Variants in MPP7 observed in about 807,000 individuals in gnomAD.
MPP7 encodes MAGUK p55 scaffold protein 7.
A neutral mutation model predicts 76.5 loss-of-function variants in MPP7; 60 were observed. The ratio of observed to expected loss-of-function variants is 0.78; its 90% confidence interval spans 0.64 to 0.97. The LOEUF (loss-of-function observed/expected upper bound fraction) is 0.97, where lower values mean the gene tolerates loss of function less well. Among genes scored for constraint, MPP7 ranks in the 50% least tolerant of loss-of-function variants. The pLI is 0.00. For missense variants in MPP7, 641 were observed against 694.0 expected, an observed-to-expected ratio of 0.92 and a Z score of 0.86; for synonymous variants, 237 against 244.5, an observed-to-expected ratio of 0.97 and a Z score of 0.29.
chr10:28,110,157 CT>C (rs1436979957), intron 11 of MPP7, among the ~76,000 whole-genome samples: 1 of 150,982 alleles, frequency 6.6e-6, no homozygotes, highest in Non-Finnish European at 1.5e-5. Context: ...ATGGTGCAAT[CT>C]CGACTCACTG....
intron 3 of MPP7, among the ~76,000 whole-genome samples, chr10:28,155,485 G>A (rs1207388269): frequency 6.6e-6 from 1 of 151,676 alleles, no homozygotes; most frequent in Non-Finnish European, 1.5e-5. Flanking sequence ...AGCTACTCGG[G>A]AGGCTGAAGT....
intron 3 of MPP7, among the ~76,000 whole-genome samples, chr10:28,197,538 C>T (rs1837628618): frequency 6.6e-6 from 1 of 152,186 alleles, no homozygotes; most frequent in African/African-American, 2.4e-5. Context: ...ACCAAATCCT[C>T]CATGAACCGC....
At chr10:28,330,866 G>A (rs962370952) in intron 1 of MPP7, among the ~76,000 whole-genome samples, 1 of 151,966 alleles carries the variant, frequency 6.6e-6, no homozygotes, top group African/African-American at 2.4e-5. Context: ...TCCCCATGTT[G>A]CCCAGACTAG....
At chr10:28,312,041 T>A (rs1212680528) in intron 2 of MPP7, among the ~76,000 whole-genome samples, 1 of 152,108 alleles carries the variant, frequency 6.6e-6, no homozygotes, top group Admixed American at 6.5e-5. Flanking sequence ...ATGGAGATGG[T>A]CCTTATTAAC....
intron 12 of MPP7, among the ~76,000 whole-genome samples, chr10:28,080,082 A>G (rs1588736161): frequency 3.7e-5 from 4 of 109,334 alleles, no homozygotes; most frequent in East Asian, 3.1e-4. Flanking sequence ...GGAGGGAGGG[A>G]GAGGGGAGGG....
chr10:28,332,793 C>G (rs951714408), intron 1 of MPP7, among the ~76,000 whole-genome samples: 1 of 152,084 alleles, frequency 6.6e-6, no homozygotes, highest in African/African-American at 2.4e-5. Flanking sequence ...TTCTAAGTAG[C>G]TTGGACCACA....
chr10:28,249,532 T>A (rs999399122), intron 1 of MPP7, among the ~76,000 whole-genome samples: 1 of 152,182 alleles, frequency 6.6e-6, no homozygotes, highest in African/African-American at 2.4e-5. Flanking sequence ...GAGGGTGTAG[T>A]GAGCTGAGAT....
chr10:28,282,816 C>T (rs576527064), intron 1 of MPP7, among the ~76,000 whole-genome samples: 2 of 151,882 alleles, frequency 1.3e-5, no homozygotes, highest in Non-Finnish European at 2.9e-5. Context: ...GTGACCTCCT[C>T]CCAACCTGAC....
At chr10:28,143,902 TGA>T (rs1293022936) in intron 5 of MPP7, among the ~76,000 whole-genome samples, 61 of 127,748 alleles carry the variant, frequency 4.8e-4, no homozygotes, top group African/African-American at 1.9e-3. Flanking sequence ...TGTGTGTGTG[TGA>T]GACTGAGTTT....
rs547932281 is a variant in MPP7, at chr10:28,295,258, A to T, written c.-132+7603T>A. Among the ~76,000 whole-genome samples, 3 of 152,332 alleles carry T rather than the reference A, an allele frequency of 2.0e-5. No individual in the cohort carries two copies. In the East Asian group the frequency reaches 5.8e-4, roughly 29 times the overall value. On this transcript the variant is annotated intron_variant, in intron 1 of 16. Coordinates refer to ENST00000683449, the MANE Select transcript of MPP7 (RefSeq NM_001318170.2). ...TCCTATTTAAAATGACTATGAAGAA[A>T]CGAAAACAGTGTTAGTTCATTTCCT... is the stretch of plus-strand genomic sequence containing the variant.
At chr10:28,246,423 G>A (rs1177935820) in intron 1 of MPP7, among the ~76,000 whole-genome samples, 2 of 152,104 alleles carry the variant, frequency 1.3e-5, no homozygotes, top group Non-Finnish European at 2.9e-5. Context: ...TTGCCACTAT[G>A]CCTGTATTAC....
rs1851447678 is a variant in MPP7 at position 28,053,947 on chromosome 10, T to C, written c.*118A>G. The C allele has an allele frequency of 1.3e-6, 1 of 786,688 alleles. No homozygotes were observed. The highest frequency in any genetic ancestry group is 1.6e-5 in the South Asian group (1 of 62,460). The allele number at this position is 786,688 out of a possible 1,614,324, so 48.7% of individuals were successfully genotyped here. A position where few individuals can be genotyped will look rare whatever the true frequency, so the allele number is the denominator to read the frequency against. On this transcript the variant is annotated 3_prime_UTR_variant, in exon 17 of 17. Transcript: ENST00000683449. ...GATACAAACAAAACCAGCATTCAAC[T>C]TGAACCAAGATTGTACATCTATGAC...
chr10:28,309,360 G>A (rs960070771), intron 2 of MPP7, among the ~76,000 whole-genome samples: 1 of 148,762 alleles, frequency 6.7e-6, no homozygotes, highest in Non-Finnish European at 1.5e-5. Flanking sequence ...GTTGCAGTGA[G>A]CCAAGATCCC....
At chr10:28,280,172 G>A (rs1181185355) in intron 1 of MPP7, 1 of 152,046 alleles carries the variant, frequency 6.6e-6, no homozygotes, top group African/African-American at 2.4e-5. Flanking sequence ...GAACATTACT[G>A]TGTACCTGCT....
chr10:28,133,297 ATCCATTGGGATGACC>A (rs1835253953), intron 5 of MPP7, among the ~76,000 whole-genome samples: 2 of 152,172 alleles, frequency 1.3e-5, no homozygotes, highest in South Asian at 4.1e-4. Context: ...AAAGTTGCCC[ATCCATTGGGATGACC>A]AAACTCTCCA....
intron 1 of MPP7, among the ~76,000 whole-genome samples, chr10:28,265,676 T>C (rs919368163): frequency 6.6e-6 from 1 of 152,238 alleles, no homozygotes; most frequent in Non-Finnish European, 1.5e-5. Flanking sequence ...GTTGATAATG[T>C]GTCTGTTCCA....
intron 12 of MPP7, among the ~76,000 whole-genome samples, chr10:28,080,981 G>T (rs1852733645): frequency 1.3e-5 from 2 of 152,116 alleles, no homozygotes; most frequent in Non-Finnish European, 2.9e-5. Flanking sequence ...GGGAGGCTTT[G>T]TGTTATGCCA....
intron 3 of MPP7, among the ~76,000 whole-genome samples, chr10:28,178,214 C>T (rs1337341281): frequency 6.6e-6 from 1 of 152,056 alleles, no homozygotes; most frequent in Non-Finnish European, 1.5e-5. Context: ...CTCCTCAAGT[C>T]ATCACCATCA....
At chr10:28,324,806 A>G (rs1351007349) in intron 2 of MPP7, among the ~76,000 whole-genome samples, 1 of 152,200 alleles carries the variant, frequency 6.6e-6, no homozygotes, top group Non-Finnish European at 1.5e-5. Flanking sequence ...CCCGGAGTGA[A>G]TCTAGTCCTC....
Sources: gnomAD v4.1 joint callset for allele counts (sites outside exome capture counted in the v4.1 genomes callset) on GRCh38, gnomAD v4.1.1 for gene constraint, MANE v1.5 for transcripts, NCBI Gene and HGNC (gene_info 2026-07-23, HGNC 2026-07-21) for gene names.